The following PRDM6 variants were observed in gnomAD, a reference collection of about 807,000 sequenced individuals.
PRDM6 encodes the protein PR/SET domain 6.
PRDM6 carries 25 observed loss-of-function variants against 60.8 expected under a neutral mutation model. The observed-to-expected ratio is 0.41, with a 90% CI of 0.30 to 0.57. The LOEUF (loss-of-function observed/expected upper bound fraction) is 0.57. PRDM6 is among the 20% of genes least tolerant of loss of function. The pLI, the probability that PRDM6 is intolerant of heterozygous loss-of-function variation, is 0.27. For missense variants in PRDM6, 839 were observed against 821.3 expected (o/e 1.02, Z -0.26); for synonymous variants, 407 against 357.4 (o/e 1.14, Z -1.57).
intron 6 of PRDM6, among the ~76,000 whole-genome samples, chr5:123,175,847 A>G (rs894978549): frequency 6.6e-6 from 1 of 152,250 alleles, no homozygotes; most frequent in African/African-American, 2.4e-5. Flanking sequence ...CCAATTACAG[A>G]TTAAAAGCAA....
intron 3 of PRDM6, among the ~76,000 whole-genome samples, chr5:123,103,282 G>C (rs892425326): frequency 2.6e-5 from 4 of 151,590 alleles, no homozygotes; most frequent in Non-Finnish European, 5.9e-5. Flanking sequence ...CAAATAATTA[G>C]TCATTTATTT....
rs1223581886 is a variant in PRDM6, at chr5:123,090,194, G to C, written c.180G>C (p.Glu60Asp). ...CGCCGCCGCCGCCCCCGCCCCCGGA[G>C]CGCGCTGAGCCTCCGCCGGACAGCC... ...LQPPPPPPPP[E>D]RAEPPPDSLR... Residue 60 changes from glutamate (E) to aspartate (D), a missense_variant, in exon 2 of 8, where the codon GAG becomes GAC. By Grantham distance (45) the Glu-to-Asp change is conservative (BLOSUM62 2). Around this residue, in one of 2 missense-constraint regions of PRDM6, gnomAD observed 730 missense variants for 648.8 expected, o/e 1.13. Coordinates refer to ENST00000407847, the MANE Select transcript of PRDM6 (RefSeq NM_001136239.4). The C allele has an allele frequency of 2.7e-6, 4 of 1,482,452 alleles. No individual in the cohort carries two copies. 91.8% of individuals were successfully genotyped at this position (1,482,452 alleles called of 1,614,324 possible).
At chr5:123,128,376 C>T (rs1764741851) in intron 3 of PRDM6, among the ~76,000 whole-genome samples, 1 of 152,214 alleles carries the variant, frequency 6.6e-6, no homozygotes, top group Non-Finnish European at 1.5e-5. Context: ...CTAATTTACA[C>T]TCCCACCAAC....
chr5:123,096,415 A>G (rs951831184), intron 2 of PRDM6, among the ~76,000 whole-genome samples: 2 of 152,158 alleles, frequency 1.3e-5, no homozygotes, highest in Admixed American at 6.5e-5. Flanking sequence ...ATATTTGTCA[A>G]TCCCAAGAAA....
chr5:123,108,210 G>A (rs1764237854), intron 3 of PRDM6, among the ~76,000 whole-genome samples: 1 of 152,108 alleles, frequency 6.6e-6, no homozygotes, highest in African/African-American at 2.4e-5. Context: ...AATTAAAGCT[G>A]CCTCAGATAA....
chr5:123,133,853 T>C lies in PRDM6; in HGVS notation c.901-22031T>C, dbSNP rs1764894852. ...TCAAAAAAAAAAAAAGGAAAGTCTC[T>C]TCTTCCTTCTGTAGCATGTTAGAAA... On this transcript the variant is annotated intron_variant, in intron 3 of 7. Transcript: ENST00000407847. Among the ~76,000 whole-genome samples, 4 of 152,072 alleles carry C rather than the reference T, an allele frequency of 2.6e-5. No homozygotes were observed. In the South Asian group the frequency reaches 8.3e-4, roughly 32 times the overall value.
chr5:123,095,380 T>C (rs1486344366), intron 2 of PRDM6, among the ~76,000 whole-genome samples: 2 of 152,202 alleles, frequency 1.3e-5, no homozygotes, highest in African/African-American at 4.8e-5. Context: ...ATCTAGCCTA[T>C]AGCTCGAGAA....
chr5:123,101,432 G>C (rs1319176123), intron 3 of PRDM6, among the ~76,000 whole-genome samples: 1 of 152,000 alleles, frequency 6.6e-6, no homozygotes, highest in Non-Finnish European at 1.5e-5. Context: ...GAAACATTTT[G>C]GTTTTTGTTT....
intron 5 of PRDM6, among the ~76,000 whole-genome samples, chr5:123,164,431 C>CA (rs1765709317): frequency 6.6e-6 from 1 of 152,184 alleles, no homozygotes; most frequent in African/African-American, 2.4e-5. Flanking sequence ...CTGGTGAAAA[C>CA]AAAGTCACAC....
intron 6 of PRDM6, among the ~76,000 whole-genome samples, chr5:123,179,658 T>C (rs1440666383): frequency 6.6e-6 from 1 of 151,868 alleles, no homozygotes; most frequent in Non-Finnish European, 1.5e-5. Context: ...CAGTTTATCC[T>C]CAGTTTTCTG....
At chr5:123,094,292 A>G (rs1431874665) in intron 2 of PRDM6, among the ~76,000 whole-genome samples, 2 of 152,196 alleles carry the variant, frequency 1.3e-5, no homozygotes, top group African/African-American at 4.8e-5. Flanking sequence ...GCACACCAGC[A>G]GGCTTTTTGT....
intron 3 of PRDM6, among the ~76,000 whole-genome samples, chr5:123,113,499 A>AG (rs1190334424): frequency 6.6e-6 from 1 of 152,198 alleles, no homozygotes; most frequent in Non-Finnish European, 1.5e-5. Context: ...TCAGATGAAG[A>AG]GCCTTGTTAG....
At chr5:123,164,948 C>T (rs1474618718) in intron 5 of PRDM6, among the ~76,000 whole-genome samples, 1 of 152,134 alleles carries the variant, frequency 6.6e-6, no homozygotes. Flanking sequence ...GTTCCCTTGC[C>T]TCAAACCAGG....
At chr5:123,171,944 C>T (rs1026446927) in intron 6 of PRDM6, among the ~76,000 whole-genome samples, 2 of 152,178 alleles carry the variant, frequency 1.3e-5, no homozygotes, top group Admixed American at 6.5e-5. Flanking sequence ...GTTTTTATCT[C>T]TCCTTCATGT....
intron 3 of PRDM6, among the ~76,000 whole-genome samples, chr5:123,130,840 T>G (rs896486233): frequency 2.0e-5 from 3 of 152,222 alleles, no homozygotes; most frequent in Admixed American, 6.5e-5. Context: ...GTGCTGGGAT[T>G]ACAGGCGTGA....
Position 123,099,377 on chromosome 5 carries a change from T to G in PRDM6, c.593-277T>G, listed in dbSNP as rs1764044082. ...CTGTCGGTTCCGTGGAGAGCGGACA[T>G]GCTATCTGCGCCCAGATCCGAAGGC... On this transcript the variant is annotated intron_variant, in intron 2 of 7. Coordinates refer to ENST00000407847, the MANE Select transcript of PRDM6 (RefSeq NM_001136239.4). The surrounding 1 kb of genome is among the most constrained non-coding windows in gnomAD (Gnocchi z 4.0). Among the ~76,000 whole-genome samples the G allele has an allele frequency of 6.6e-6, 1 of 152,126 alleles. No individual in the cohort carries two copies. Among genetic ancestry groups the G allele is most frequent in the Non-Finnish European group, 1.5e-5 (1 of 68,018 alleles).
At chr5:123,140,694 C>T (rs998837383) in intron 3 of PRDM6, among the ~76,000 whole-genome samples, 8 of 151,940 alleles carry the variant, frequency 5.3e-5, no homozygotes, top group Non-Finnish European at 8.8e-5. Flanking sequence ...TTTTGCTTTC[C>T]GATGAAATTG....
rs1269445967 is a variant in PRDM6 at position 123,190,663 on chromosome 5, G to T, written c.*3462G>T. The T allele has an allele frequency of 6.6e-6, 1 of 152,046 alleles. No individual in the cohort carries two copies. The highest frequency in any genetic ancestry group is 2.4e-5 in the African/African-American group (1 of 41,400). The allele number at this position is 152,046 out of a possible 1,614,324, so 9.4% of individuals were successfully genotyped here. A position where few individuals can be genotyped will look rare whatever the true frequency, so the allele number is the denominator to read the frequency against. On this transcript the variant is annotated 3_prime_UTR_variant, in exon 8 of 8. Coordinates refer to ENST00000407847, the MANE Select transcript of PRDM6 (RefSeq NM_001136239.4). ...TTTACCTTGTAAAAATTTCATTCTG[G>T]TTCAGGTATGCAAAGATTTATACGA...
chr5:123,147,891 G>C (rs1765283659), intron 3 of PRDM6, among the ~76,000 whole-genome samples: 1 of 152,206 alleles, frequency 6.6e-6, no homozygotes, highest in Non-Finnish European at 1.5e-5. Flanking sequence ...TCAGAGATAA[G>C]TGGAATTCAC....
Sources: gnomAD v4.1 joint callset for allele counts (sites outside exome capture counted in the v4.1 genomes callset) on GRCh38, gnomAD v4.1.1 for gene constraint, gnomAD v4.1.1 regional missense constraint, Gnocchi (gnomAD v3.1) non-coding constraint, MANE v1.5 for transcripts, NCBI Gene and HGNC (gene_info 2026-07-23, HGNC 2026-07-21) for gene names.